MICAL3: variants seen among roughly 807,000 people sequenced by gnomAD.
The protein encoded by MICAL3 is microtubule associated monooxygenase, calponin and LIM domain containing 3, also known as [F-actin]-monooxygenase MICAL3.
In MICAL3, 62 loss-of-function variants were observed where a neutral mutation model predicts 207.4. The ratio of observed to expected loss-of-function variants is 0.30; its 90% CI spans 0.24 to 0.37. The LOEUF is 0.37. Ranked by LOEUF, MICAL3 falls within the 10% of genes least tolerant of loss-of-function variation. The pLI is 1.00. For missense variants in MICAL3, 2,368 were observed against 2,635.6 expected (o/e 0.90, Z 2.22); for synonymous variants, 1,077 against 1,069.3 (o/e 1.01, Z -0.14).
intron 29 of MICAL3, among the ~76,000 whole-genome samples, chr22:17,799,870 CCAAA>C (rs1009676934): frequency 1.3e-5 from 2 of 149,830 alleles, no homozygotes; most frequent in African/African-American, 5.1e-5. Context: ...AGGCAAAAAA[CCAAA>C]CAAATGCATG....
intron 16 of MICAL3, among the ~76,000 whole-genome samples, chr22:17,877,439 G>GGGAGGTTATGGAGGTT (rs1928868264): frequency 1.8e-4 from 7 of 39,426 alleles, no homozygotes; most frequent in East Asian, 7.2e-4. Context: ...TTATGGAGGT[G>GGGAGGTTATGGAGGTT]AGGGAGGTTA....
intron 16 of MICAL3, chr22:17,884,158 T>G (rs757950912): frequency 8.9e-5 from 53 of 598,856 alleles, no homozygotes; most frequent in Non-Finnish European, 1.4e-4. Context: ...GAGCAGAGAT[T>G]TCCTGCCCTC....
At chr22:17,810,629 G>A (rs1460983508) in intron 28 of MICAL3, 74 bp downstream of exon 28, 2 of 1,201,938 alleles carry the variant, frequency 1.7e-6, no homozygotes. Context: ...GTGGCAGGGA[G>A]CAGCTGGGTG....
Position 17,823,069 on chromosome 22 carries a change from C to A in MICAL3, c.3194-9G>T. On this transcript the variant is annotated splice_polypyrimidine_tract_variant and intron_variant, in intron 22 of 31. Transcript: ENST00000441493. Reference sequence around the variant, plus strand: ...ATTCTCATCCAATGGGGCTGCAAAGCAGAAAGGTTCAAAGGAAGGAAGAAA... The same window carrying A: ...ATTCTCATCCAATGGGGCTGCAAAGAAGAAAGGTTCAAAGGAAGGAAGAAA... The A allele has an allele frequency of 6.4e-7, 1 of 1,563,336 alleles. No homozygotes were observed. Among genetic ancestry groups the A allele is most frequent in the Non-Finnish European group, 8.8e-7 (1 of 1,133,976 alleles).
At chr22:17,837,102 G>A (rs1271514308) in intron 20 of MICAL3, among the ~76,000 whole-genome samples, 2 of 152,240 alleles carry the variant, frequency 1.3e-5, no homozygotes, top group Non-Finnish European at 2.9e-5. Flanking sequence ...TGAGGAGGCG[G>A]CTGGAGAAGA....
intron 24 of MICAL3, 114 bp from the exon 25 acceptor site, chr22:17,821,623 G>T: frequency 1.2e-6 from 1 of 841,524 alleles, no homozygotes; most frequent in Non-Finnish European, 1.9e-6. Context: ...GAGTCGCTGA[G>T]TCGGCTCCCA....
chr22:17,945,218 C>G (rs1396421702), intron 1 of MICAL3, among the ~76,000 whole-genome samples: 1 of 152,162 alleles, frequency 6.6e-6, no homozygotes, highest in Non-Finnish European at 1.5e-5. Flanking sequence ...AGGAAGCCCC[C>G]AATCCCCATA....
chr22:17,904,533 G>T, intron 3 of MICAL3, 99 bp downstream of exon 3: 2 of 886,146 alleles, frequency 2.3e-6, no homozygotes, highest in Non-Finnish European at 1.9e-6. Flanking sequence ...AAGAAATTGG[G>T]TGGCATATGA....
chr22:17,827,066 C>G (rs1468877709), intron 22 of MICAL3, among the ~76,000 whole-genome samples: 1 of 152,192 alleles, frequency 6.6e-6, no homozygotes, highest in Admixed American at 6.5e-5. Context: ...CCACGTCCCT[C>G]AGCAGTCTCC....
intron 19 of MICAL3, chr22:17,863,045 C>T: frequency 1.0e-6 from 1 of 985,422 alleles, no homozygotes; most frequent in Non-Finnish European, 1.2e-6. Context: ...AACCCTCATC[C>T]TCTCTCCCCA....
In MICAL3 at chr22:17,834,982, C is replaced by A. The variant is rs115728855; in HGVS notation, c.2802-2875G>T. ...CCGGGGCCTGTGCAAGGCTGCCCAG[C>A]AGTTGGCAGCAGGGCAGGGCCGCAC... On this transcript the variant is annotated intron_variant, in intron 20 of 31. Coordinates refer to ENST00000441493, the MANE Select transcript of MICAL3 (RefSeq NM_015241.3). Among the ~76,000 whole-genome samples, 338 of 152,334 alleles carry A rather than the reference C, an allele frequency of 2.2e-3. 1 individual carries two copies. The highest frequency in any genetic ancestry group is 7.9e-3 in the African/African-American group (327 of 41,578).
chr22:17,980,077 C>T (rs928640813), intron 1 of MICAL3, among the ~76,000 whole-genome samples: 1 of 151,576 alleles, frequency 6.6e-6, no homozygotes, highest in African/African-American at 2.4e-5. Context: ...GATCCTCCCA[C>T]CTTGGCCTCC....
intron 19 of MICAL3, 82 bp from the exon 20 acceptor site, chr22:17,842,099 G>A: frequency 7.4e-7 from 1 of 1,358,740 alleles, no homozygotes; most frequent in South Asian, 1.3e-5. Context: ...CCAGGCTGCA[G>A]GCCCTCCTGC....
intron 19 of MICAL3, chr22:17,860,946 CATAT>C (rs1486609124): frequency 2.0e-6 from 2 of 984,368 alleles, no homozygotes; most frequent in Non-Finnish European, 2.4e-6. Context: ...TAGGGTGCAA[CATAT>C]AAATAAATAT....
At chr22:18,023,756 C>T (rs1243873833) in intron 1 of MICAL3, among the ~76,000 whole-genome samples, 5 of 152,230 alleles carry the variant, frequency 3.3e-5, no homozygotes, top group Admixed American at 6.5e-5. Flanking sequence ...CCACCGCGCG[C>T]CGCGGGCGGG....
At chr22:18,002,818 C>T (rs1432327034) in intron 1 of MICAL3, among the ~76,000 whole-genome samples, 1 of 152,098 alleles carries the variant, frequency 6.6e-6, no homozygotes, top group African/African-American at 2.4e-5. Flanking sequence ...ACAGGAATAG[C>T]AATACCTGCA....
At chr22:17,817,098 T>A (rs979591224) in intron 26 of MICAL3, among the ~76,000 whole-genome samples, 1 of 152,184 alleles carries the variant, frequency 6.6e-6, no homozygotes, top group South Asian at 2.1e-4. Flanking sequence ...CTCCACAGTC[T>A]TCCTGGTCCG....
intron 2 of MICAL3, 83 bp downstream of exon 2, chr22:17,906,466 G>A (rs1931726482): frequency 1.2e-5 from 20 of 1,608,276 alleles, no homozygotes; most frequent in Non-Finnish European, 1.6e-5. Flanking sequence ...ATCATATATG[G>A]TGAATGGCCA....
intron 1 of MICAL3, among the ~76,000 whole-genome samples, chr22:17,959,901 C>T (rs149586143): frequency 1.3e-5 from 2 of 152,308 alleles, no homozygotes; most frequent in African/African-American, 4.8e-5. Context: ...GCTGAAGGAA[C>T]TGAACTCATT....
Sources: gnomAD v4.1 joint callset for allele counts (sites outside exome capture counted in the v4.1 genomes callset) on GRCh38, gnomAD v4.1.1 for gene constraint, MANE v1.5 for transcripts, NCBI Gene and HGNC (gene_info 2026-07-23, HGNC 2026-07-21) for gene names.